Variants in CHTF18 observed in about 807,000 individuals in gnomAD.
The protein encoded by CHTF18 is chromosome transmission fidelity protein 18 homolog.
Under a neutral mutation model 113.4 loss-of-function variants are expected in CHTF18, and 151 were observed. That is an observed-to-expected ratio of 1.33 (90% CI 1.17 to 1.52). CHTF18 has a LOEUF of 1.52. CHTF18 is among the 40% of genes most tolerant of loss of function. The pLI is 0.00. For missense variants in CHTF18, 1,982 were observed against 1,381.6 expected (o/e 1.43, Z -6.89); for synonymous variants, 916 against 598.8 (o/e 1.53, Z -7.74).
intron 8 of CHTF18, chr16:791,571 C>T (rs1009968227): frequency 2.9e-5 from 41 of 1,432,664 alleles, no homozygotes; most frequent in Admixed American, 1.7e-4. Flanking sequence ...AAGGGCTCTG[C>T]GGCTGGCCAG....
At position 791,152 on chromosome 16, in the gene CHTF18, T is replaced by G; in HGVS notation, c.895-9T>G. ...TCAGGCTGTGCTTCCCTTCCCGTCC[T>G]TCCCGCAGTTCACCAACCGCTGCCT... is the stretch of plus-strand genomic sequence containing the variant. On this transcript the variant is annotated splice_polypyrimidine_tract_variant and intron_variant, in intron 7 of 21. Coordinates refer to ENST00000262315, the MANE Select transcript of CHTF18 (RefSeq NM_022092.3). 6.2e-7 allele frequency: 1 copy of G among 1,607,122 alleles called. No individual in the cohort carries two copies. The highest frequency in any genetic ancestry group is 8.5e-7 in the Non-Finnish European group (1 of 1,177,702).
intron 20 of CHTF18, 67 bp downstream of exon 20, chr16:797,159 C>A: frequency 6.9e-7 from 1 of 1,440,110 alleles, no homozygotes; most frequent in South Asian, 1.6e-5. Context: ...CTAGGGCAGT[C>A]ATGAGGCGGG....
chr16:792,972 C>G lies in CHTF18; in HGVS notation c.1579C>G (p.Leu527Val), dbSNP rs534605273. 1.4e-5 allele frequency: 22 copies of G among 1,557,830 alleles called. No homozygotes were observed. The African/African-American group carries it at 2.9e-4, about 20-fold the overall frequency. ...RLVQRLQEVS[L>V]RQGMRADPGV... Reference sequence around the variant, plus strand: ...AGCAGCCCTTCTCCACCAGGTCTCCCTGCGGCAGGGCATGAGGGCCGACCC... The same window carrying G: ...AGCAGCCCTTCTCCACCAGGTCTCCGTGCGGCAGGGCATGAGGGCCGACCC... The change falls in exon 13 of 22, where the codon CTG becomes GTG. Residue 527 changes from leucine (L) to valine (V), a missense_variant. By Grantham distance (32) the Leu-to-Val change is conservative (BLOSUM62 1). Transcript: ENST00000262315.
chr16:792,612 ACAGT>A lies in CHTF18; in HGVS notation c.1478+26_1478+29del, dbSNP rs1437403261. 7 of 1,591,602 alleles carry A rather than the reference ACAGT, an allele frequency of 4.4e-6. 1 individual carries two copies. Among genetic ancestry groups the A allele is most frequent in the South Asian group, 3.3e-5 (3 of 89,730 alleles). ...ACCAGTGAGTGCATGGGCGGGCGCC[ACAGT>A]CAGGAGAGGCTCTGGTGCCTGGAGG... On this transcript the variant is annotated intron_variant, in intron 11 of 21. Coordinates refer to ENST00000262315, the MANE Select transcript of CHTF18 (RefSeq NM_022092.3).
At position 789,085 on chromosome 16, in the gene CHTF18, G is replaced by C; in HGVS notation, c.246G>C (p.Gln82His). The C allele has an allele frequency of 6.5e-7, 1 of 1,534,326 alleles. No individual in the cohort carries two copies. The highest frequency in any genetic ancestry group is 8.8e-7 in the Non-Finnish European group (1 of 1,138,888). Residue 82 changes from glutamine to histidine, a missense_variant, in exon 2 of 22, where the codon CAG (glutamine) becomes CAC (histidine). Physicochemically the swap from Gln to His is conservative, Grantham distance 24. Transcript: ENST00000262315. The part of the protein sequence containing the change: ...GSSQGGARKR[Q>H]VDADLQPAGS... Reference sequence around the variant, plus strand: ...GCCAGGGCGGCGCCAGGAAGAGGCAGGTGGACGCCGACCTGCAGCCGGCCG... The same window carrying C: ...GCCAGGGCGGCGCCAGGAAGAGGCACGTGGACGCCGACCTGCAGCCGGCCG...
At position 789,676 on chromosome 16, in the gene CHTF18, T is replaced by C. The variant is rs1432067824; in HGVS notation, c.567T>C (p.Tyr189=). 2 of 1,601,520 alleles carry C rather than the reference T, an allele frequency of 1.2e-6. No homozygotes were observed. Among genetic ancestry groups the C allele is most frequent in the Non-Finnish European group, 1.7e-6 (2 of 1,179,330 alleles). ...HVTSTEGVRA[Y]LVLRADPMAP... is the part of the protein sequence containing the mutation. ...CATCCACGGAGGGCGTCCGGGCTTA[T>C]CTGGTGCTGCGTGCTGACCCCATGG... Residue 189 remains tyrosine, a synonymous_variant, in exon 4 of 22, where the codon TAT becomes TAC. Coordinates refer to ENST00000262315, the MANE Select transcript of CHTF18 (RefSeq NM_022092.3).
chr16:794,992 G>T (rs888772845), intron 15 of CHTF18, 140 bp from the exon 16 acceptor site: 4 of 665,746 alleles, frequency 6.0e-6, no homozygotes, highest in Non-Finnish European at 1.0e-5. Flanking sequence ...GCGTCGTGGG[G>T]ACCCTTGTGG....
At chr16:793,858 CT>C (rs1044180616) in intron 14 of CHTF18, 195 bp from the exon 15 acceptor site, 5 of 658,230 alleles carry the variant, frequency 7.6e-6, no homozygotes, top group Non-Finnish European at 1.3e-5. Flanking sequence ...GGCTCCTCGG[CT>C]TAAGGGAATG....
At chr16:795,857 G>A (rs370339019) in intron 17 of CHTF18, 23 bp downstream of exon 17, 86 of 1,607,026 alleles carry the variant, frequency 5.4e-5, no homozygotes, top group Non-Finnish European at 6.7e-5. Flanking sequence ...CCCGGGGTGG[G>A]GGATTCCCCG....
intron 7 of CHTF18, 25 bp downstream of exon 7, chr16:790,691 G>A: frequency 4.0e-6 from 6 of 1,510,518 alleles, no homozygotes; most frequent in Non-Finnish European, 5.3e-6. Flanking sequence ...TCACTCAAGT[G>A]TGGCTGGCTT....
rs1050717868 is a variant in CHTF18, at chr16:793,725, C to A, written c.1803-329C>A. 5.3e-5 allele frequency: 34 copies of A among 647,486 alleles called. 1 individual carries two copies. Among genetic ancestry groups the A allele is most frequent in the Non-Finnish European group, 9.4e-5 (33 of 350,418 alleles). The allele number at this position is 647,486 out of a possible 1,614,324, so 40.1% of individuals were successfully genotyped here. On this transcript the variant is annotated intron_variant, in intron 14 of 21. Coordinates refer to ENST00000262315, the MANE Select transcript of CHTF18 (RefSeq NM_022092.3). ...AGGGGATGCTGGCCTGGTCGTGCTG[C>A]AGGATATGGGAGACGCTGGCCTGGG...
At position 791,242 on chromosome 16, in the gene CHTF18, AG is replaced by A. The variant is rs1210906280; in HGVS notation, c.978del (p.Arg326SerfsTer61). 1.2e-6 allele frequency: 2 copies of A among 1,611,040 alleles called. No individual in the cohort carries two copies. Among genetic ancestry groups the A allele is most frequent in the Non-Finnish European group, 8.5e-7 (1 of 1,179,356 alleles). On this transcript the variant is annotated frameshift_variant, in exon 8 of 22. Transcript: ENST00000262315. LOFTEE classifies it high-confidence loss of function. ...CCACGAGAGGCCTTCCCGGAAGCCC[AG>A]GCCCAGTGTTGAGCCGGCCCGGGTC... ...FGHERPSRKP[R>X]PSVEPARVSK...
In CHTF18 at chr16:790,356, C is replaced by G. The variant is rs758707757; in HGVS notation, c.709C>G (p.Arg237Gly). ...KKQVDGERRE[R>G]LLQEAQKLSD... ...CCTGTTGTTTGCACAGCGGCGGGAGCGGCTGCTTCAGGAGGCCCAGAAGCT... is the reference window on the plus strand; with the variant it reads ...CCTGTTGTTTGCACAGCGGCGGGAGGGGCTGCTTCAGGAGGCCCAGAAGCT... The change falls in exon 6 of 22, where the codon CGG becomes GGG. Residue 237 changes from arginine (R) to glycine (G), a missense_variant. By Grantham distance (125) the Arg-to-Gly change is moderately radical. Coordinates refer to ENST00000262315, the MANE Select transcript of CHTF18 (RefSeq NM_022092.3). 6 of 1,610,900 alleles carry G rather than the reference C, an allele frequency of 3.7e-6. No homozygotes were observed. In the South Asian group the frequency reaches 5.5e-5, roughly 15 times the overall value.
rs1461232330 is a variant in CHTF18 at position 798,028 on chromosome 16, A to G, written c.*53A>G. ...ATTGCTTCCCGCAGAGTGCAGAGAC[A>G]GGAAGCTGGAGATGTCTTTATAAAG... On this transcript the variant is annotated 3_prime_UTR_variant, in exon 22 of 22. Coordinates refer to ENST00000262315, the MANE Select transcript of CHTF18 (RefSeq NM_022092.3). 1.7e-5 allele frequency: 26 copies of G among 1,566,956 alleles called. No individual in the cohort carries two copies. Among genetic ancestry groups the G allele is most frequent in the Middle Eastern group, 1.7e-4 (1 of 5,762 alleles).
Position 792,454 on chromosome 16 carries a change from C to T in CHTF18, c.1342C>T (p.Leu448Phe), listed in dbSNP as rs748586336. ...DGAPVAAINVLLSILNRKGPQ... is the reference protein window; with the variant it reads ...DGAPVAAINVFLSILNRKGPQ... ...CTCCCCCAAGGCCGCCATCAACGTC[C>T]TCCTGAGCATCCTGAACCGCAAGGG... The change falls in exon 11 of 22, where the codon CTC becomes TTC. Residue 448 changes from leucine to phenylalanine, a missense_variant. By Grantham distance (22) the Leu-to-Phe change is conservative (BLOSUM62 0). Transcript: ENST00000262315. The T allele has an allele frequency of 1.0e-5, 16 of 1,569,826 alleles. No homozygotes were observed. The South Asian group carries it at 1.6e-4, about 16-fold the overall frequency.
At chr16:796,888 G>A (rs1167575451) in intron 19 of CHTF18, 27 bp downstream of exon 19, 1 of 1,573,088 alleles carries the variant, frequency 6.4e-7, no homozygotes, top group African/African-American at 1.3e-5. Flanking sequence ...TCTGGAGCAG[G>A]TTGCAGTCTG....
rs748726396 is a variant in CHTF18 at position 792,825 on chromosome 16, C to T, written c.1572+14C>T. 40 of 1,539,316 alleles carry T rather than the reference C, an allele frequency of 2.6e-5. No individual in the cohort carries two copies. Among genetic ancestry groups the T allele is most frequent in the Admixed American group, 1.4e-4 (7 of 51,004 alleles). On this transcript the variant is annotated intron_variant, in intron 12 of 21. Transcript: ENST00000262315. ...CGGCTCCAGGAGGTCGGTGGAGCCCCAGGAGCCGTGTGGCTGATGGCGGGG... is the reference window on the plus strand; with the variant it reads ...CGGCTCCAGGAGGTCGGTGGAGCCCTAGGAGCCGTGTGGCTGATGGCGGGG...
At chr16:795,402 C>A (rs751486354) in intron 16 of CHTF18, 46 bp downstream of exon 16, 1 of 1,474,362 alleles carries the variant, frequency 6.8e-7, no homozygotes, top group Non-Finnish European at 9.1e-7. Context: ...CCGTGCCCGC[C>A]CCCCTGTGCT....
rs1198143295 is a variant in CHTF18, at chr16:789,290, C to T, written c.367C>T (p.Pro123Ser). 1 of 1,588,950 alleles carries T rather than the reference C, an allele frequency of 6.3e-7. No individual in the cohort carries two copies. Among genetic ancestry groups the T allele is most frequent in the Non-Finnish European group, 8.6e-7 (1 of 1,169,246 alleles). ...RSEEMEEPPPPDSSPTDITPP... is the reference protein window; with the variant it reads ...RSEEMEEPPPSDSSPTDITPP... ...GGAGGAGATGGAGGAGCCGCCCCCT[C>T]CCGACTCCTCGCCGACGGACATCAC... Residue 123 changes from proline (P) to serine (S), a missense_variant, in exon 3 of 22, where the codon CCC (proline) becomes TCC (serine). Transcript: ENST00000262315.
Sources: gnomAD v4.1 joint callset for allele counts on GRCh38, gnomAD v4.1.1 for gene constraint, MANE v1.5 for transcripts, NCBI Gene and HGNC (gene_info 2026-07-23, HGNC 2026-07-21) for gene names.